The following EPB41L2 variants were observed in gnomAD, a reference collection of about 807,000 sequenced individuals.
EPB41L2 encodes the protein band 4.1-like protein 2.
Under a neutral mutation model 113.0 loss-of-function variants are expected in EPB41L2, and 43 were observed. That is an observed-to-expected ratio of 0.38 (90% CI 0.30 to 0.49). The LOEUF (loss-of-function observed/expected upper bound fraction) is 0.49. Ranked by LOEUF, EPB41L2 falls within the 20% of genes least tolerant of loss-of-function variation. EPB41L2 has a pLI of 0.95. For missense variants in EPB41L2, 1,147 were observed against 1,223.4 expected (o/e 0.94, Z 0.93); for synonymous variants, 442 against 436.7 (o/e 1.01, Z -0.15).
At chr6:130,985,931 A>T (rs1780443776) in intron 1 of EPB41L2, among the ~76,000 whole-genome samples, 1 of 152,202 alleles carries the variant, frequency 6.6e-6, no homozygotes, top group East Asian at 1.9e-4. Context: ...AAACAATTTT[A>T]GACCATATTT....
intron 3 of EPB41L2, among the ~76,000 whole-genome samples, chr6:130,943,041 G>A (rs1189207124): frequency 1.3e-5 from 2 of 152,144 alleles, no homozygotes; most frequent in Non-Finnish European, 2.9e-5. Context: ...ACTGTGAATA[G>A]TGCTGCAATA....
At chr6:130,962,202 G>C (rs184377575) in intron 1 of EPB41L2, among the ~76,000 whole-genome samples, 1 of 152,126 alleles carries the variant, frequency 6.6e-6, no homozygotes, top group African/African-American at 2.4e-5. Context: ...ACTCTACTTG[G>C]GAAATAAAGA....
At chr6:130,963,598 A>G (rs1774186659) in intron 1 of EPB41L2, among the ~76,000 whole-genome samples, 2 of 152,200 alleles carry the variant, frequency 1.3e-5, no homozygotes, top group South Asian at 4.1e-4. Context: ...CAAGGTAACA[A>G]TCTTCTTTGT....
chr6:130,958,470 A>AG (rs202102240), intron 1 of EPB41L2, among the ~76,000 whole-genome samples: 1 of 102,868 alleles, frequency 9.7e-6, no homozygotes, highest in Admixed American at 1.1e-4. Flanking sequence ...AACAACAACA[A>AG]AAAAAAAAAA....
At chr6:130,856,156 C>T (rs917486456) in intron 19 of EPB41L2, among the ~76,000 whole-genome samples, 3 of 152,064 alleles carry the variant, frequency 2.0e-5, no homozygotes, top group Non-Finnish European at 2.9e-5. Flanking sequence ...ATATGAAAAA[C>T]AATGTTAAAT....
chr6:130,850,772 G>T (rs9385567), intron 19 of EPB41L2, among the ~76,000 whole-genome samples: 16,873 of 152,206 alleles, frequency 0.11, 1,196 homozygotes, highest in South Asian at 0.19. Flanking sequence ...ATGTCCAAGA[G>T]CAAGCCTTGG....
intron 1 of EPB41L2, among the ~76,000 whole-genome samples, chr6:130,971,438 C>G (rs1395888902): frequency 6.6e-6 from 1 of 152,126 alleles, no homozygotes; most frequent in African/African-American, 2.4e-5. Flanking sequence ...ATTCAAATGG[C>G]CACTATCACT....
Position 130,887,097 on chromosome 6 carries a change from G to T in EPB41L2, c.1661-1829C>A, listed in dbSNP as rs1014518898. 9.2e-5 allele frequency among the ~76,000 whole-genome samples: 14 copies of T among 152,010 alleles called. No homozygotes were observed. In the East Asian group the frequency reaches 1.3e-3, roughly 15 times the overall value. ...AATGAAAAAAATCTGACCTAGAAAT[G>T]GCTTCAAATGTAATGATATTAAAAT... On this transcript the variant is annotated intron_variant, in intron 11 of 19. Coordinates refer to ENST00000337057, the MANE Select transcript of EPB41L2 (RefSeq NM_001431.4).
intron 4 of EPB41L2, among the ~76,000 whole-genome samples, chr6:130,920,872 C>T (rs4513821): frequency 0.19 from 29,545 of 151,962 alleles, 3,532 homozygotes; most frequent in African/African-American, 0.32. Flanking sequence ...CCAATCTAGC[C>T]AACAGCTTAC....
Position 130,904,501 on chromosome 6 carries a change from G to A in EPB41L2, c.893C>T (p.Pro298Leu). The change falls in exon 6 of 20, where the codon CCT becomes CTT. Residue 298 changes from proline to leucine, a missense_variant. Coordinates refer to ENST00000337057, the MANE Select transcript of EPB41L2 (RefSeq NM_001431.4). ...TTCAGTCAATTGAGAAGGATCAGGA[G>A]GATAAAACTTCACATTAAAAGTGAA... Reference protein sequence around the residue: ...WLFTFNVKFYPPDPSQLTEDI... With the variant: ...WLFTFNVKFYLPDPSQLTEDI... 2 of 1,605,670 alleles carry A rather than the reference G, an allele frequency of 1.2e-6. No individual in the cohort carries two copies. Among genetic ancestry groups the A allele is most frequent in the Non-Finnish European group, 1.7e-6 (2 of 1,174,468 alleles).
chr6:130,862,304 G>A (rs958702160), intron 18 of EPB41L2, among the ~76,000 whole-genome samples: 2 of 151,934 alleles, frequency 1.3e-5, no homozygotes, highest in African/African-American at 4.8e-5. Context: ...TGGGGAGAGG[G>A]GGGTGGAAGA....
rs1259106293 is a variant in EPB41L2, at chr6:130,955,262, T to C, written c.548A>G (p.Asp183Gly). The C allele has an allele frequency of 6.2e-7, 1 of 1,614,210 alleles. No individual in the cohort carries two copies. The change falls in exon 3 of 20, where the codon GAC becomes GGC. Residue 183 changes from aspartate to glycine, a missense_variant. Coordinates refer to ENST00000337057, the MANE Select transcript of EPB41L2 (RefSeq NM_001431.4). ...TTTTGCTGCTCCTCCTTCTAATTTGTCTTCCTGTGTTTCTTTTACCTTCTC... is the reference window on the plus strand; with the variant it reads ...TTTTGCTGCTCCTCCTTCTAATTTGCCTTCCTGTGTTTCTTTTACCTTCTC... The part of the protein sequence containing the change: ...REEKVKETQE[D>G]KLEGGAAKRE...
intron 1 of EPB41L2, among the ~76,000 whole-genome samples, chr6:131,020,432 TCTCA>T (rs1217662600): frequency 5.9e-5 from 9 of 152,348 alleles, no homozygotes; most frequent in African/African-American, 1.9e-4. Flanking sequence ...TATGTAGTGT[TCTCA>T]CTGTTAATAT....
chr6:130,857,112 T>C (rs931469766), intron 19 of EPB41L2, among the ~76,000 whole-genome samples: 107 of 152,330 alleles, frequency 7.0e-4, no homozygotes, highest in African/African-American at 2.4e-3. Context: ...ATTTTTTAGA[T>C]ATATTTGTGT....
intron 13 of EPB41L2, 116 bp from the exon 14 acceptor site, chr6:130,878,366 A>G: frequency 8.2e-7 from 1 of 1,224,494 alleles, no homozygotes; most frequent in Non-Finnish European, 1.1e-6. Flanking sequence ...AAAAAACCAT[A>G]GTAAAGCAAG....
intron 1 of EPB41L2, among the ~76,000 whole-genome samples, chr6:130,996,895 T>A (rs1421405145): frequency 6.6e-6 from 1 of 152,158 alleles, no homozygotes; most frequent in African/African-American, 2.4e-5. Flanking sequence ...AAAATTTAAA[T>A]AAAGTCCATT....
intron 16 of EPB41L2, among the ~76,000 whole-genome samples, chr6:130,866,964 CTGTG>C (rs992228183): frequency 6.6e-6 from 1 of 151,508 alleles, no homozygotes; most frequent in East Asian, 1.9e-4. Flanking sequence ...GTGTGTGTGC[CTGTG>C]TGTGTTTGTG....
In EPB41L2 at chr6:131,017,873, T is replaced by C. The variant is rs115017880; in HGVS notation, c.-15+45282A>G. Among the ~76,000 whole-genome samples, 456 of 152,370 alleles carry C rather than the reference T, an allele frequency of 3.0e-3. 5 individuals carry two copies. Among genetic ancestry groups the C allele is most frequent in the African/African-American group, 9.4e-3 (390 of 41,592 alleles). Reference sequence around the variant, plus strand: ...ATCTCCATTTTAACTTACATTTGCCTAACTACTAGTGAGACTCAGGGTTAT... The same window carrying C: ...ATCTCCATTTTAACTTACATTTGCCCAACTACTAGTGAGACTCAGGGTTAT... On this transcript the variant is annotated intron_variant, in intron 1 of 19. Transcript: ENST00000337057.
intron 1 of EPB41L2, among the ~76,000 whole-genome samples, chr6:130,967,265 G>C (rs1233623525): frequency 6.7e-6 from 1 of 149,942 alleles, no homozygotes; most frequent in Non-Finnish European, 1.5e-5. Flanking sequence ...TGCAGATACA[G>C]AAGTTGCCTA....
Sources: gnomAD v4.1 joint callset for allele counts (sites outside exome capture counted in the v4.1 genomes callset) on GRCh38, gnomAD v4.1.1 for gene constraint, MANE v1.5 for transcripts, NCBI Gene and HGNC (gene_info 2026-07-23, HGNC 2026-07-21) for gene names.